VAV1: variants seen among roughly 807,000 people sequenced by gnomAD.
VAV1 encodes the protein proto-oncogene vav.
In VAV1, 33 loss-of-function variants were observed where a neutral mutation model predicts 128.1. The ratio of observed to expected loss-of-function variants is 0.26; its 90% CI spans 0.20 to 0.34. The LOEUF is 0.34. VAV1 is among the 10% of genes least tolerant of loss of function. VAV1 has a pLI of 1.00. For synonymous variants in VAV1, 394 were observed against 409.8 expected, an observed-to-expected ratio of 0.96 and a Z score of 0.47; for missense variants, 715 against 1,093.7, an observed-to-expected ratio of 0.65 and a Z score of 4.88.
chr19:6,841,947 C>T (rs369854888), intron 21 of VAV1, among the ~76,000 whole-genome samples: 4 of 150,842 alleles, frequency 2.7e-5, no homozygotes, highest in African/African-American at 7.3e-5. Flanking sequence ...CACTTTCGGC[C>T]GGGCGCGGTG....
Position 6,826,401 on chromosome 19 carries a change from G to C in VAV1, c.828-211G>C, listed in dbSNP as rs1292633895. 6.6e-6 allele frequency among the ~76,000 whole-genome samples: 1 copy of C among 152,124 alleles called. No homozygotes were observed. The highest frequency in any genetic ancestry group is 2.4e-5 in the African/African-American group (1 of 41,436). On this transcript the variant is annotated intron_variant, in intron 8 of 26. Transcript: ENST00000602142. This position sits in a 1 kb window ranked among gnomAD's most constrained non-coding sequence, Gnocchi z 4.1. ...TAAACATTGGGCAGAGACAATACCA[G>C]GTACTGTGGTGAAATTACTGTAGCA...
intron 1 of VAV1, among the ~76,000 whole-genome samples, chr19:6,809,880 T>C (rs1971478059): frequency 6.6e-6 from 1 of 151,780 alleles, no homozygotes; most frequent in Admixed American, 6.6e-5. Flanking sequence ...CAATGAATCC[T>C]CCATTTCCAG....
intron 1 of VAV1, among the ~76,000 whole-genome samples, chr19:6,818,106 C>T (rs927502150): frequency 6.6e-6 from 1 of 151,966 alleles, no homozygotes; most frequent in African/African-American, 2.4e-5. Context: ...AGGTGTGCAC[C>T]ACCACACCCA....
At chr19:6,837,275 G>A (rs574186624) in intron 21 of VAV1, among the ~76,000 whole-genome samples, 26 of 152,308 alleles carry the variant, frequency 1.7e-4, no homozygotes, top group African/African-American at 6.3e-4. Flanking sequence ...TTGTGTAAAG[G>A]TCCTTTCCTT....
chr19:6,805,196 G>A (rs74178485), intron 1 of VAV1, among the ~76,000 whole-genome samples: 6 of 151,992 alleles, frequency 3.9e-5, no homozygotes, highest in Admixed American at 2.0e-4. Flanking sequence ...AGGCCGAGGC[G>A]GATGGATCAC....
rs1460155361 is a variant in VAV1 at position 6,822,750 on chromosome 19, G to A, written c.654+236G>A. 2.0e-5 allele frequency among the ~76,000 whole-genome samples: 3 copies of A among 147,546 alleles called. No individual in the cohort carries two copies. Among genetic ancestry groups the A allele is most frequent in the Admixed American group, 1.4e-4 (2 of 14,750 alleles). ...ATAAAATATAGGACACTGCCTGCAG[G>A]AGCAGTCAAAAAACCAAAAACAAAC... is the stretch of plus-strand genomic sequence containing the variant. On this transcript the variant is annotated intron_variant, in intron 6 of 26. Coordinates refer to ENST00000602142, the MANE Select transcript of VAV1 (RefSeq NM_005428.4). This position sits in a 1 kb window ranked among gnomAD's most constrained non-coding sequence, Gnocchi z 5.9.
At chr19:6,807,905 G>A (rs1014533384) in intron 1 of VAV1, among the ~76,000 whole-genome samples, 4 of 146,064 alleles carry the variant, frequency 2.7e-5, no homozygotes, top group African/African-American at 5.2e-5. Context: ...CAGGAGAATC[G>A]CTTGAACCTG....
intron 1 of VAV1, among the ~76,000 whole-genome samples, chr19:6,804,563 C>G (rs544453747): frequency 8.9e-4 from 135 of 151,846 alleles, no homozygotes; most frequent in African/African-American, 3.2e-3. Context: ...ATTACAGGCG[C>G]GTGCCACCAC....
Position 6,843,809 on chromosome 19 carries a change from G to GT in VAV1, c.2012+653dup, listed in dbSNP as rs911678786. 1.5e-4 allele frequency among the ~76,000 whole-genome samples: 22 copies of GT among 148,512 alleles called. 1 individual carries two copies. The highest frequency in any genetic ancestry group is 4.0e-4 in the Admixed American group (6 of 14,822). On this transcript the variant is annotated intron_variant, in intron 22 of 26. Coordinates refer to ENST00000602142, the MANE Select transcript of VAV1 (RefSeq NM_005428.4). ...TTAATCTGTTCTAAGATGCATGGTT[G>GT]TTTTTTTTTTCTTCTTCACATTTGA...
rs1971586781 is a variant in VAV1 at position 6,814,667 on chromosome 19, C to CCTTCCTTCCTTTCTTT, written c.205-6028_205-6027insCCTTTCTTTCTTCCTT. On this transcript the variant is annotated intron_variant, in intron 1 of 26. Transcript: ENST00000602142. ...TCCTTCCTTCCTTCCTTCCTTCCTT[C>CCTTCCTTCCTTTCTTT]CTTCCTTTCTTTCTTTCTTTCTTTC... Among the ~76,000 whole-genome samples, 22 of 25,126 alleles carry CCTTCCTTCCTTTCTTT rather than the reference C, an allele frequency of 8.8e-4. 1 individual carries two copies. Among genetic ancestry groups the CCTTCCTTCCTTTCTTT allele is most frequent in the African/African-American group, 4.9e-3 (21 of 4,316 alleles). 16.5% of individuals were successfully genotyped at this position (25,126 alleles called of 152,430 possible). A position where few individuals can be genotyped will look rare whatever the true frequency, so the allele number is the denominator to read the frequency against.
chr19:6,774,339 A>T (rs1970571689), intron 1 of VAV1, among the ~76,000 whole-genome samples: 1 of 148,494 alleles, frequency 6.7e-6, no homozygotes, highest in Non-Finnish European at 1.5e-5. Context: ...CGTGTTAGCC[A>T]GGATGGTCTC....
In VAV1 at chr19:6,820,655, C is replaced by A. The variant is rs1190628855; in HGVS notation, c.205-47C>A. On this transcript the variant is annotated intron_variant, in intron 1 of 26. Transcript: ENST00000602142. The surrounding 1 kb of genome is among the most constrained non-coding windows in gnomAD (Gnocchi z 4.4). ...AGGTGGCCTGGGGGTCAGTTTCTCC[C>A]CTGCCCTTTCGTACTGCCCCACCCT... 6 of 1,561,598 alleles carry A rather than the reference C, an allele frequency of 3.8e-6. No homozygotes were observed. The highest frequency in any genetic ancestry group is 5.3e-6 in the Non-Finnish European group (6 of 1,132,928).
Position 6,825,425 on chromosome 19 carries a change from G to C in VAV1, c.827+19G>C. 6.2e-7 allele frequency: 1 copy of C among 1,600,050 alleles called. No individual in the cohort carries two copies. The highest frequency in any genetic ancestry group is 8.6e-7 in the Non-Finnish European group (1 of 1,169,282). The stretch of plus-strand genomic sequence containing the variant: ...AGGAGAGGTGAGACCCAGCTGGCCA[G>C]ACTGAAGCTCTGGGGTCACTCTGTC... On this transcript the variant is annotated intron_variant, in intron 8 of 26. Transcript: ENST00000602142.
chr19:6,837,779 A>G (rs1315229765), intron 21 of VAV1, among the ~76,000 whole-genome samples: 3 of 152,136 alleles, frequency 2.0e-5, no homozygotes, highest in Middle Eastern at 3.2e-3. Context: ...GGAAGAGTTA[A>G]AAGTGAGTTT....
intron 1 of VAV1, among the ~76,000 whole-genome samples, chr19:6,774,203 T>C (rs926714555): frequency 6.6e-6 from 1 of 152,010 alleles, no homozygotes; most frequent in Non-Finnish European, 1.5e-5. Flanking sequence ...TCTCGGCTCA[T>C]TGCAAGCTCC....
chr19:6,854,363 T>C (rs1453226532), intron 26 of VAV1, among the ~76,000 whole-genome samples: 2 of 152,120 alleles, frequency 1.3e-5, no homozygotes, highest in East Asian at 3.9e-4. Flanking sequence ...ATGAAACTTA[T>C]AATCGAATGT....
intron 1 of VAV1, among the ~76,000 whole-genome samples, chr19:6,780,306 T>A (rs1453909709): frequency 6.7e-6 from 1 of 150,040 alleles, no homozygotes. Flanking sequence ...TGTATTATTA[T>A]AAAGAACCTA....
At chr19:6,837,194 C>A in intron 21 of VAV1, 144 bp downstream of exon 21, 2 of 776,636 alleles carry the variant, frequency 2.6e-6, no homozygotes, top group Non-Finnish European at 4.2e-6. Flanking sequence ...AGGCTTCACC[C>A]ACCCCACCAA....
Position 6,822,891 on chromosome 19 carries a change from T to C in VAV1, c.654+377T>C, listed in dbSNP as rs1430330258. ...ATAAACATATAATATGTATAAAATATAAACATGATATATGATATTTATAAG... is the reference window on the plus strand; with the variant it reads ...ATAAACATATAATATGTATAAAATACAAACATGATATATGATATTTATAAG... On this transcript the variant is annotated intron_variant, in intron 6 of 26. Coordinates refer to ENST00000602142, the MANE Select transcript of VAV1 (RefSeq NM_005428.4). This position sits in a 1 kb window ranked among gnomAD's most constrained non-coding sequence, Gnocchi z 5.9. Among the ~76,000 whole-genome samples the C allele has an allele frequency of 1.4e-5, 2 of 147,012 alleles. No homozygotes were observed. Among genetic ancestry groups the C allele is most frequent in the Non-Finnish European group, 3.0e-5 (2 of 66,848 alleles).
Sources: allele counts gnomAD v4.1 joint callset (sites outside exome capture counted in the v4.1 genomes callset), GRCh38; gene constraint gnomAD v4.1.1; non-coding constraint Gnocchi (gnomAD v3.1); transcripts MANE v1.5; gene names NCBI Gene and HGNC (gene_info 2026-07-23, HGNC 2026-07-21).